The following RRAS2 variants were observed in gnomAD, a reference collection of about 807,000 sequenced individuals.
RRAS2 encodes ras-related protein R-Ras2.
RRAS2 carries 7 observed loss-of-function variants against 27.6 expected under a neutral mutation model. The observed-to-expected ratio is 0.25, with a 90% CI of 0.14 to 0.48. The LOEUF (loss-of-function observed/expected upper bound fraction) is 0.48. Ranked by LOEUF, RRAS2 falls within the 20% of genes least tolerant of loss-of-function variation. RRAS2 has a pLI of 0.99. For missense variants in RRAS2, 178 were observed against 256.2 expected (o/e 0.69, Z 2.08); for synonymous variants, 86 against 90.9 (o/e 0.95, Z 0.31).
At chr11:14,313,864 G>A (rs1162397108) in intron 1 of RRAS2, among the ~76,000 whole-genome samples, 1 of 152,158 alleles carries the variant, frequency 6.6e-6, no homozygotes, top group Non-Finnish European at 1.5e-5. Context: ...CAAGTTTGAG[G>A]TGGTTTGTTA....
intron 1 of RRAS2, among the ~76,000 whole-genome samples, chr11:14,319,588 G>A (rs1176810311): frequency 2.0e-5 from 3 of 151,804 alleles, no homozygotes; most frequent in Non-Finnish European, 2.9e-5. Flanking sequence ...TCGATCTCCT[G>A]ACCTCATGAT....
At chr11:14,281,304 G>A (rs960174888) in intron 5 of RRAS2, among the ~76,000 whole-genome samples, 11 of 152,128 alleles carry the variant, frequency 7.2e-5, no homozygotes, top group African/African-American at 2.7e-4. Context: ...ACGTAAAAAC[G>A]TTTAGCACAG....
chr11:14,316,557 T>C (rs922119946), intron 1 of RRAS2, among the ~76,000 whole-genome samples: 2 of 152,112 alleles, frequency 1.3e-5, no homozygotes, highest in East Asian at 1.9e-4. Context: ...CTAGGCAACA[T>C]AGCAAGACCC....
chr11:14,362,443 T>A (rs544724283), upstream of RRAS2, among the ~76,000 whole-genome samples: 1 of 145,966 alleles, frequency 6.9e-6, no homozygotes, highest in African/African-American at 2.8e-5. Context: ...CTCTTTCCCT[T>A]AGAAAATACC....
chr11:14,292,191 A>G (rs1847413265), intron 4 of RRAS2, among the ~76,000 whole-genome samples: 1 of 152,156 alleles, frequency 6.6e-6, no homozygotes, highest in African/African-American at 2.4e-5. Context: ...TAACTCATAT[A>G]GACCCAAGCT....
chr11:14,355,240 A>C (rs550614143), intron 1 of RRAS2, among the ~76,000 whole-genome samples: 21 of 152,226 alleles, frequency 1.4e-4, no homozygotes, highest in South Asian at 4.2e-4. Context: ...GAAGAAAGAG[A>C]AGCTCAGTCG....
intron 4 of RRAS2, among the ~76,000 whole-genome samples, chr11:14,282,161 G>A (rs1319168130): frequency 6.6e-6 from 1 of 152,144 alleles, no homozygotes; most frequent in Non-Finnish European, 1.5e-5. Context: ...CTGAATGTGT[G>A]AGGCCATGAG....
chr11:14,281,273 G>A (rs1849527771), intron 5 of RRAS2, among the ~76,000 whole-genome samples: 1 of 152,200 alleles, frequency 6.6e-6, no homozygotes, highest in Non-Finnish European at 1.5e-5. Context: ...GGGCGAGGGT[G>A]AGGATTACAT....
chr11:14,344,291 A>G (rs1848783257), intron 1 of RRAS2, among the ~76,000 whole-genome samples: 1 of 151,648 alleles, frequency 6.6e-6, no homozygotes, highest in Non-Finnish European at 1.5e-5. Flanking sequence ...AAATTATCAG[A>G]CTTAACTTTT....
At chr11:14,290,546 G>A (rs1223406626) in intron 4 of RRAS2, among the ~76,000 whole-genome samples, 1 of 152,180 alleles carries the variant, frequency 6.6e-6, no homozygotes, top group Non-Finnish European at 1.5e-5. Context: ...TGGGAGATAA[G>A]GCATGTTTGT....
At chr11:14,324,725 T>G (rs1848311650) in intron 1 of RRAS2, among the ~76,000 whole-genome samples, 2 of 152,204 alleles carry the variant, frequency 1.3e-5, no homozygotes, top group Non-Finnish European at 2.9e-5. Context: ...GCTGAATGAA[T>G]TTTTGAATGA....
intron 1 of RRAS2, among the ~76,000 whole-genome samples, chr11:14,325,310 A>AT (rs35405878): frequency 0.018 from 2,188 of 124,732 alleles, 40 homozygotes; most frequent in African/African-American, 0.043. Context: ...TCCTTTTAGT[A>AT]TTTTTTTTTT....
intron 1 of RRAS2, chr11:14,308,196 ATTAACT>A (rs1564964235): frequency 2.5e-6 from 1 of 397,690 alleles, no homozygotes; most frequent in African/African-American, 2.1e-5. Context: ...CAAGAAACTG[ATTAACT>A]TTACCTGTGG....
At chr11:14,283,619 C>A (rs140434814) in intron 4 of RRAS2, among the ~76,000 whole-genome samples, 12 of 151,016 alleles carry the variant, frequency 7.9e-5, no homozygotes, top group African/African-American at 2.9e-4. Flanking sequence ...TTTTTTTTTC[C>A]CTTGAGTGAA....
intron 1 of RRAS2, chr11:14,354,511 G>C (rs1849030624): frequency 6.6e-6 from 1 of 152,080 alleles, no homozygotes; most frequent in Non-Finnish European, 1.5e-5. Context: ...ACAGAAGTAA[G>C]GAGGGGAGTA....
At chr11:14,288,746 G>A (rs1554945408) in intron 4 of RRAS2, among the ~76,000 whole-genome samples, 1 of 152,168 alleles carries the variant, frequency 6.6e-6, no homozygotes, top group African/African-American at 2.4e-5. Flanking sequence ...GGTAGCAGCA[G>A]CAGTTCACAA....
chr11:14,284,575 C>T (rs1182530563), intron 4 of RRAS2, among the ~76,000 whole-genome samples: 1 of 152,142 alleles, frequency 6.6e-6, no homozygotes, highest in Non-Finnish European at 1.5e-5. Context: ...ACCTTCCTAT[C>T]AGTTATCGAG....
intron 1 of RRAS2, among the ~76,000 whole-genome samples, chr11:14,309,351 T>C (rs1299664147): frequency 2.0e-5 from 3 of 152,232 alleles, no homozygotes; most frequent in African/African-American, 7.2e-5. Context: ...CCACTTAATC[T>C]ACAAATACTA....
At position 14,330,661 on chromosome 11, in the gene RRAS2, AT is replaced by A. The variant is rs575901528; in HGVS notation, c.108+28101del. On this transcript the variant is annotated intron_variant, in intron 1 of 5. Coordinates refer to ENST00000256196, the MANE Select transcript of RRAS2 (RefSeq NM_012250.6). Reference sequence around the variant, plus strand: ...TGACATGTAGTTAACATTAAAAAAAATTTTTTTTTCAGATGATATAAATATT... The same window carrying A: ...TGACATGTAGTTAACATTAAAAAAAATTTTTTTTCAGATGATATAAATATT... 6.9e-3 allele frequency among the ~76,000 whole-genome samples: 1,050 copies of A among 151,330 alleles called. 6 individuals are homozygous for A. Among genetic ancestry groups the A allele is most frequent in the Non-Finnish European group, 0.011 (752 of 67,716 alleles).
Sources: allele counts gnomAD v4.1 joint callset (sites outside exome capture counted in the v4.1 genomes callset), GRCh38; gene constraint gnomAD v4.1.1; transcripts MANE v1.5; gene names NCBI Gene and HGNC (gene_info 2026-07-23, HGNC 2026-07-21).